MGAM2: variants seen among roughly 807,000 people sequenced by gnomAD.
MGAM2 encodes the protein maltase-glucoamylase 2 (putative), also known as probable maltase-glucoamylase 2.
In MGAM2, 98 loss-of-function variants were observed where a neutral mutation model predicts 96.1. The ratio of observed to expected loss-of-function variants is 1.02; its 90% CI spans 0.87 to 1.21. The LOEUF is 1.21. Ranked by LOEUF, MGAM2 falls within the 50% of genes most tolerant of loss-of-function variation. The pLI is 0.00. For missense variants in MGAM2, 2,055 were observed against 1,182.4 expected (o/e 1.74, Z -10.82); for synonymous variants, 749 against 414.8 (o/e 1.81, Z -9.79).
chr7:142,184,998 C>A, intron 33 of MGAM2, 79 bp from the exon 34 acceptor site: 1 of 632,008 alleles, frequency 1.6e-6, no homozygotes, highest in South Asian at 1.8e-5. Flanking sequence ...TGCCTGTCAT[C>A]AGAGTCTAAC....
chr7:142,138,642 G>A lies in MGAM2; in HGVS notation c.1061G>A (p.Arg354Gln), dbSNP rs933323506. Residue 354 changes from arginine (R) to glutamine (Q), a missense_variant, in exon 10 of 48, where the codon CGA becomes CAA. By Grantham distance (43) the Arg-to-Gln change is conservative. Coordinates refer to ENST00000477922, the MANE Select transcript of MGAM2 (RefSeq NM_001293626.2). ...AATAAATTGAAAGAAGTTGTAAGCC[G>A]AAATCGTTTAGCTGAGATACCATAT... ...GINKLKEVVS[R>Q]NRLAEIPYDV... 4.0e-5 allele frequency: 28 copies of A among 702,726 alleles called. No homozygotes were observed. Among genetic ancestry groups the A allele is most frequent in the African/African-American group, 1.9e-4 (11 of 57,240 alleles). 43.5% of individuals were successfully genotyped at this position (702,726 alleles called of 1,614,324 possible). A position where few individuals can be genotyped will look rare whatever the true frequency, so the allele number is the denominator to read the frequency against.
intron 14 of MGAM2, 50 bp from the exon 15 acceptor site, chr7:142,147,406 T>C: frequency 3.0e-6 from 2 of 672,846 alleles, no homozygotes; most frequent in Non-Finnish European, 5.4e-6. Context: ...CGCTAATTTG[T>C]TAAAGATGGT....
intron 31 of MGAM2, among the ~76,000 whole-genome samples, chr7:142,174,715 C>CTCTTTTTTTTTTTTTTT (rs1194981898): frequency 1.2e-5 from 1 of 85,460 alleles, no homozygotes; most frequent in African/African-American, 5.7e-5. Context: ...CTCTCTCTCT[C>CTCTTTTTTTTTTTTTTT]TTTTTTTTTT....
chr7:142,167,412 G>A lies in MGAM2; in HGVS notation c.2953G>A (p.Asp985Asn). ...TGAGTCAGCTGCTGCTGCCGCCTCTGATTCTCTCTCTGCAAAGATCAGCTT... is the reference window on the plus strand; with the variant it reads ...TGAGTCAGCTGCTGCTGCCGCCTCTAATTCTCTCTCTGCAAAGATCAGCTT... ...APESAAAAAS[D>N]SLSAKISFLH... Residue 985 changes from aspartate (D) to asparagine (N), a missense_variant, in exon 26 of 48, where the codon GAT becomes AAT. Transcript: ENST00000477922. The A allele has an allele frequency of 1.4e-6, 1 of 702,956 alleles. No homozygotes were observed. Among genetic ancestry groups the A allele is most frequent in the Admixed American group, 2.0e-5 (1 of 50,008 alleles). The allele number at this position is 702,956 out of a possible 1,614,324, so 43.5% of individuals were successfully genotyped here. A position where few individuals can be genotyped will look rare whatever the true frequency, so the allele number is the denominator to read the frequency against.
rs1262270862 is a variant in MGAM2, at chr7:142,171,305, T to G, written c.3216T>G (p.Asn1072Lys). Residue 1072 changes from asparagine to lysine, a missense_variant, in exon 28 of 48, where the codon AAT becomes AAG. Physicochemically the swap from Asn to Lys is moderately conservative, Grantham distance 94. Coordinates refer to ENST00000477922, the MANE Select transcript of MGAM2 (RefSeq NM_001293626.2). ...CTCAACTCCCTGGCTTCATCTTCAATGACATGTTTCTCTCCATTTCTACGC... is the reference window on the plus strand; with the variant it reads ...CTCAACTCCCTGGCTTCATCTTCAAGGACATGTTTCTCTCCATTTCTACGC... ...WDSQLPGFIF[N>K]DMFLSISTRL... 1 of 702,904 alleles carries G rather than the reference T, an allele frequency of 1.4e-6. No homozygotes were observed. Among genetic ancestry groups the G allele is most frequent in the Non-Finnish European group, 2.6e-6 (1 of 384,808 alleles). The allele number at this position is 702,904 out of a possible 1,614,324, so 43.5% of individuals were successfully genotyped here.
At chr7:142,181,103 A>G (rs1294339311) in intron 32 of MGAM2, among the ~76,000 whole-genome samples, 1 of 152,196 alleles carries the variant, frequency 6.6e-6, no homozygotes, top group East Asian at 1.9e-4. Flanking sequence ...GGCAGTCAGA[A>G]GATACTCTGA....
In MGAM2 at chr7:142,161,129, A is replaced by C. The variant is rs1287365097; in HGVS notation, c.2350A>C (p.Arg784=). The part of the protein sequence containing the change: ...KPNTTTEASR[R]NSLGLIIALD... ...CTGGGAAGTACTCTTTTACAGCCGG[A>C]GGAATTCCCTGGGACTCATCATCGC... The change falls in exon 22 of 48, where the codon AGG becomes CGG. Residue 784 remains arginine, a synonymous_variant. Coordinates refer to ENST00000477922, the MANE Select transcript of MGAM2 (RefSeq NM_001293626.2). The C allele has an allele frequency of 2.8e-6, 2 of 702,490 alleles. No homozygotes were observed. The highest frequency in any genetic ancestry group is 3.5e-5 in the African/African-American group (2 of 57,356). 43.5% of individuals were successfully genotyped at this position (702,490 alleles called of 1,614,324 possible). A position where few individuals can be genotyped will look rare whatever the true frequency, so the allele number is the denominator to read the frequency against.
intron 14 of MGAM2, among the ~76,000 whole-genome samples, chr7:142,145,602 A>G (rs1795360776): frequency 6.6e-6 from 1 of 152,134 alleles, no homozygotes; most frequent in African/African-American, 2.4e-5. Context: ...ATAAACCCCA[A>G]TATCTCAGTG....
intron 3 of MGAM2, among the ~76,000 whole-genome samples, chr7:142,128,583 T>A (rs1794792132): frequency 6.6e-6 from 1 of 151,994 alleles, no homozygotes; most frequent in Non-Finnish European, 1.5e-5. Flanking sequence ...GGACTTGGGG[T>A]CCTGTGTCCC....
At position 142,154,165 on chromosome 7, in the gene MGAM2, G is replaced by A; in HGVS notation, c.1782G>A (p.Glu594=). The A allele has an allele frequency of 1.6e-6, 1 of 637,002 alleles. No individual in the cohort carries two copies. Among genetic ancestry groups the A allele is most frequent in the Non-Finnish European group, 2.9e-6 (1 of 340,200 alleles). 39.5% of individuals were successfully genotyped at this position (637,002 alleles called of 1,614,324 possible). A position where few individuals can be genotyped will look rare whatever the true frequency, so the allele number is the denominator to read the frequency against. Residue 594 remains glutamate, a synonymous_variant, in exon 16 of 48, where the codon GAG becomes GAA. Transcript: ENST00000477922. The part of the protein sequence containing the change: ...DLRWSIPTIL[E]FNLFGIPMVG... ...GATGGTCTATCCCCACTATCCTTGA[G>A]TTCAACCTGTTTGGCATCCCCATGG...
Position 142,163,652 on chromosome 7 carries a change from T to C in MGAM2, c.2485-1204T>C, listed in dbSNP as rs574640226. On this transcript the variant is annotated intron_variant, in intron 23 of 47. Coordinates refer to ENST00000477922, the MANE Select transcript of MGAM2 (RefSeq NM_001293626.2). Reference sequence around the variant, plus strand: ...GGTCTTATGGTAATGCATGTTTAGTTTTATAATAATCTTCCAAACTGTTTT... The same window carrying C: ...GGTCTTATGGTAATGCATGTTTAGTCTTATAATAATCTTCCAAACTGTTTT... Among the ~76,000 whole-genome samples, 13 of 152,330 alleles carry C rather than the reference T, an allele frequency of 8.5e-5. No individual in the cohort carries two copies. In the South Asian group the frequency reaches 2.7e-3, roughly 32 times the overall value.
intron 3 of MGAM2, among the ~76,000 whole-genome samples, chr7:142,124,656 C>T (rs935400737): frequency 1.3e-5 from 2 of 152,110 alleles, no homozygotes; most frequent in Non-Finnish European, 1.5e-5. Context: ...ATAAAATTTA[C>T]AGGTTAAATT....
At chr7:142,170,741 T>G (rs1796160015) in intron 27 of MGAM2, among the ~76,000 whole-genome samples, 1 of 152,188 alleles carries the variant, frequency 6.6e-6, no homozygotes, top group Admixed American at 6.5e-5. Context: ...AGTGAAAGTC[T>G]GGATTTTGCC....
At chr7:142,136,816 A>G (rs1795074637) in intron 8 of MGAM2, among the ~76,000 whole-genome samples, 176 bp downstream of exon 8, 3 of 152,248 alleles carry the variant, frequency 2.0e-5, no homozygotes, top group Admixed American at 1.3e-4. Context: ...TCCAGGTGAT[A>G]CTTGACATTG....
intron 3 of MGAM2, among the ~76,000 whole-genome samples, chr7:142,125,143 T>C (rs543744544): frequency 6.6e-6 from 1 of 152,324 alleles, no homozygotes; most frequent in East Asian, 1.9e-4. Flanking sequence ...TGGAACTTCC[T>C]GGAGACTGAT....
chr7:142,207,985 C>T (rs1394532170), intron 45 of MGAM2, among the ~76,000 whole-genome samples: 1 of 152,082 alleles, frequency 6.6e-6, no homozygotes, highest in African/African-American at 2.4e-5. Context: ...AGATTGATGA[C>T]GACTTTGACG....
At chr7:142,171,696 T>C (rs1189162420) in intron 28 of MGAM2, among the ~76,000 whole-genome samples, 1 of 141,708 alleles carries the variant, frequency 7.1e-6, no homozygotes, top group Non-Finnish European at 1.5e-5. Flanking sequence ...TTTCCCTCTG[T>C]CAGTTATGGA....
intron 1 of MGAM2, among the ~76,000 whole-genome samples, chr7:142,116,005 T>C (rs1817387960): frequency 6.6e-6 from 1 of 152,188 alleles, no homozygotes; most frequent in Non-Finnish European, 1.5e-5. Context: ...GGAGATGGAA[T>C]GGCGAAGAAG....
intron 45 of MGAM2, among the ~76,000 whole-genome samples, chr7:142,203,435 CA>C (rs1303184795): frequency 2.6e-5 from 4 of 152,048 alleles, no homozygotes; most frequent in Non-Finnish European, 4.4e-5. Context: ...AAGCAATGTA[CA>C]GATTCGACAC....
Sources: allele counts gnomAD v4.1 joint callset (sites outside exome capture counted in the v4.1 genomes callset), GRCh38; gene constraint gnomAD v4.1.1; transcripts MANE v1.5; gene names NCBI Gene and HGNC (gene_info 2026-07-23, HGNC 2026-07-21).